The following PRRC2C variants were observed in gnomAD, a reference collection of about 807,000 sequenced individuals.
PRRC2C encodes the protein proline rich coiled-coil 2C.
PRRC2C carries 72 observed loss-of-function variants against 317.2 expected under a neutral mutation model. The observed-to-expected ratio is 0.23, with a 90% confidence interval of 0.19 to 0.28. The LOEUF (loss-of-function observed/expected upper bound fraction) is 0.28, where lower values mean the gene tolerates loss of function less well. Among genes scored for constraint, PRRC2C ranks in the 10% least tolerant of loss-of-function variants. The pLI, the probability that PRRC2C is intolerant of heterozygous loss-of-function variation, is 1.00. For missense variants in PRRC2C, 3,074 were observed against 3,459.7 expected (o/e 0.89, Z 2.80); for synonymous variants, 1,296 against 1,205.9 (o/e 1.07, Z -1.55).
rs531231278 is a variant in PRRC2C at position 171,555,635 on chromosome 1, A to G, written c.5128-1605A>G. 2.6e-5 allele frequency among the ~76,000 whole-genome samples: 4 copies of G among 152,278 alleles called. No homozygotes were observed. The South Asian group carries it at 6.2e-4, about 24-fold the overall frequency. On this transcript the variant is annotated intron_variant, in intron 18 of 34. Coordinates refer to ENST00000647382, the MANE Select transcript of PRRC2C (RefSeq NM_001387844.1). ...CTTTGGTCTTTGATGATGGTGACCT[A>G]CAGATGGGGTTTTGGTGTGGATGTC...
intron 16 of PRRC2C, 92 bp downstream of exon 16, chr1:171,542,321 G>A (rs1678086593): frequency 8.8e-7 from 1 of 1,134,040 alleles, no homozygotes; most frequent in East Asian, 2.6e-5. Flanking sequence ...AGCCAGTCTA[G>A]ATAAAGGACC....
At chr1:171,581,001 T>G (rs1558046483) in intron 28 of PRRC2C, among the ~76,000 whole-genome samples, 1 of 152,222 alleles carries the variant, frequency 6.6e-6, no homozygotes. Context: ...GTTCAGCTAA[T>G]GAAACTTTCT....
intron 20 of PRRC2C, among the ~76,000 whole-genome samples, chr1:171,564,284 A>G (rs1018966058): frequency 1.3e-5 from 2 of 152,192 alleles, no homozygotes; most frequent in African/African-American, 2.4e-5. Context: ...CTAAGCTTTT[A>G]TCATTCTTTG....
intron 20 of PRRC2C, among the ~76,000 whole-genome samples, chr1:171,565,988 T>A (rs972180120): frequency 2.6e-5 from 4 of 152,204 alleles, no homozygotes; most frequent in Non-Finnish European, 5.9e-5. Flanking sequence ...TTGCCCATGA[T>A]CACACTCATG....
intron 22 of PRRC2C, 26 bp from the exon 23 acceptor site, chr1:171,568,221 A>AT (rs749648923): frequency 2.8e-5 from 43 of 1,562,818 alleles, no homozygotes; most frequent in Admixed American, 1.5e-4. Context: ...TTTAAAATGT[A>AT]TTTTTTTTCT....
chr1:171,534,862 T>C (rs545090893), intron 12 of PRRC2C, among the ~76,000 whole-genome samples: 1 of 152,330 alleles, frequency 6.6e-6, no homozygotes, highest in African/African-American at 2.4e-5. Context: ...AGAAAAGAAT[T>C]TGTAACAAGC....
At chr1:171,490,983 C>G (rs1383128120) in intron 1 of PRRC2C, among the ~76,000 whole-genome samples, 3 of 152,172 alleles carry the variant, frequency 2.0e-5, no homozygotes, top group Non-Finnish European at 2.9e-5. Flanking sequence ...TTTCCCCTAT[C>G]TCAGAGGACT....
At position 171,584,428 on chromosome 1, in the gene PRRC2C, A is replaced by G; in HGVS notation, c.7651A>G (p.Asn2551Asp). 6.4e-7 allele frequency: 1 copy of G among 1,572,182 alleles called. No homozygotes were observed. The highest frequency in any genetic ancestry group is 1.2e-5 in the South Asian group (1 of 83,484). ...IDTHLLQARA[N>D]LTQASNLYSG... is the part of the protein sequence containing the mutation. ...AAAAAATTTTTTCTAGGCCAGAGCA[A>G]ATCTTACCCAGGCCTCAAATCTTTA... Residue 2551 changes from asparagine to aspartate, a missense_variant, in exon 30 of 35, where the codon AAT becomes GAT. Physicochemically the swap from Asn to Asp is conservative, Grantham distance 23 (BLOSUM62 1). Around this residue, in one of 11 missense-constraint regions of PRRC2C, gnomAD observed 490 missense variants for 663.1 expected, o/e 0.74. Transcript: ENST00000647382.
chr1:171,587,094 C>T lies in PRRC2C; in HGVS notation c.7841C>T (p.Pro2614Leu). The T allele has an allele frequency of 6.2e-7, 1 of 1,612,026 alleles. No individual in the cohort carries two copies. The highest frequency in any genetic ancestry group is 8.5e-7 in the Non-Finnish European group (1 of 1,179,152). Residue 2614 changes from proline to leucine, a missense_variant, in exon 31 of 35, where the codon CCC (proline) becomes CTC (leucine). Transcript: ENST00000647382. ...PLIALPQTLQ[P>L]PLQHTTPQAQ... is the part of the protein sequence containing the mutation. ...ATTGCTTTGCCTCAGACTCTTCAGC[C>T]CCCATTACAGCATACCACTCCCCAA...
chr1:171,586,913 A>G (rs1650166024), intron 30 of PRRC2C, 90 bp from the exon 31 acceptor site: 4 of 1,022,030 alleles, frequency 3.9e-6, no homozygotes, highest in Non-Finnish European at 5.8e-6. Flanking sequence ...ATCTTACTCA[A>G]AAGTATTTGA....
In PRRC2C at chr1:171,587,170, A is replaced by T; in HGVS notation, c.7917A>T (p.Arg2639Ser). ...CTGCACAAGTAAGCCAGCCTTTCAG[A>T]GGATTAATTCCTGCTGGAACACAGC... Reference protein sequence around the residue: ...SRPAQVSQPFRGLIPAGTQHS... With the variant: ...SRPAQVSQPFSGLIPAGTQHS... The change falls in exon 31 of 35, where the codon AGA (arginine) becomes AGT (serine). Residue 2639 changes from arginine (R) to serine (S), a missense_variant. By Grantham distance (110) the Arg-to-Ser change is moderately radical. Coordinates refer to ENST00000647382, the MANE Select transcript of PRRC2C (RefSeq NM_001387844.1). 6.2e-7 allele frequency: 1 copy of T among 1,610,340 alleles called. No homozygotes were observed. The highest frequency in any genetic ancestry group is 8.5e-7 in the Non-Finnish European group (1 of 1,178,334).
intron 20 of PRRC2C, among the ~76,000 whole-genome samples, chr1:171,565,187 T>C (rs1354098767): frequency 2.0e-5 from 3 of 152,178 alleles, no homozygotes; most frequent in African/African-American, 7.2e-5. Flanking sequence ...TTTTTTGTTC[T>C]TGACCTTTAC....
chr1:171,505,396 G>A (rs529887012), intron 1 of PRRC2C, among the ~76,000 whole-genome samples: 32 of 152,024 alleles, frequency 2.1e-4, no homozygotes, highest in Admixed American at 9.2e-4. Flanking sequence ...GTTTAGTGCT[G>A]TATAGAAATA....
intron 26 of PRRC2C, 117 bp from the exon 27 acceptor site, chr1:171,579,237 A>G: frequency 7.3e-7 from 1 of 1,371,376 alleles, no homozygotes; most frequent in Non-Finnish European, 9.6e-7. Flanking sequence ...CCATGGCTGT[A>G]TTTTCAGAGG....
rs567916680 is a variant in PRRC2C, at chr1:171,527,628, C to T, written c.1201-163C>T. On this transcript the variant is annotated intron_variant, in intron 10 of 34. Transcript: ENST00000647382. ...AAAATTACCCAGTTGTGGTGGCAGA[C>T]GCCTGTAATCCCAGGTATTTAGCAG... 7.2e-5 allele frequency among the ~76,000 whole-genome samples: 11 copies of T among 152,100 alleles called. No homozygotes were observed. The South Asian group carries it at 1.5e-3, about 20-fold the overall frequency.
intron 18 of PRRC2C, among the ~76,000 whole-genome samples, chr1:171,553,260 T>A (rs144858279): frequency 0.81 from 123,063 of 151,658 alleles, 50,024 homozygotes; most frequent in Middle Eastern, 0.9. Context: ...GAGGTGTTTG[T>A]AGTATTCTGT....
At chr1:171,591,456 T>C in intron 34 of PRRC2C, 131 bp from the exon 35 acceptor site, 1 of 988,204 alleles carries the variant, frequency 1.0e-6, no homozygotes, top group South Asian at 1.8e-5. Context: ...ATCAATGAGG[T>C]ACTTTTGGCT....
intron 20 of PRRC2C, among the ~76,000 whole-genome samples, chr1:171,564,581 A>G (rs959807093): frequency 6.6e-6 from 1 of 152,222 alleles, no homozygotes; most frequent in African/African-American, 2.4e-5. Flanking sequence ...TTGCTTAACA[A>G]CAGAGATACG....
Position 171,519,056 on chromosome 1 carries a change from A to G in PRRC2C, c.750+1242A>G, listed in dbSNP as rs371964550. ...CCGCCACCATACCTGGCTAATTTTT[A>G]TATTTTTAGTAGAGACAGGATTTTG... On this transcript the variant is annotated intron_variant, in intron 6 of 34. Transcript: ENST00000647382. 3.1e-4 allele frequency among the ~76,000 whole-genome samples: 47 copies of G among 150,708 alleles called. No homozygotes were observed. The South Asian group carries it at 8.2e-3, about 26-fold the overall frequency.
Sources: allele counts gnomAD v4.1 joint callset (sites outside exome capture counted in the v4.1 genomes callset), GRCh38; gene constraint gnomAD v4.1.1; regional missense constraint gnomAD v4.1.1; transcripts MANE v1.5; gene names NCBI Gene and HGNC (gene_info 2026-07-23, HGNC 2026-07-21).